Variants in RTN4IP1 observed in about 807,000 individuals in gnomAD.
RTN4IP1 encodes the protein NAD(P)H oxidoreductase RTN4IP1, mitochondrial.
In RTN4IP1, 32 loss-of-function variants were observed where a neutral mutation model predicts 46.6. That is an observed-to-expected ratio of 0.69 (90% confidence interval 0.52 to 0.92). RTN4IP1 has a LOEUF of 0.92. Ranked by LOEUF, RTN4IP1 falls within the 40% of genes least tolerant of loss-of-function variation. The pLI, the probability that RTN4IP1 is intolerant of heterozygous loss-of-function variation, is 0.00. For missense variants in RTN4IP1, 424 were observed against 485.8 expected (o/e 0.87, Z 1.20); for synonymous variants, 167 against 161.8 (o/e 1.03, Z -0.24).
intron 6 of RTN4IP1, among the ~76,000 whole-genome samples, chr6:106,591,882 T>C (rs1225873287): frequency 1.3e-5 from 2 of 152,240 alleles, no homozygotes. Flanking sequence ...TTTCCAATTT[T>C]GTCTTCAGGC....
intron 8 of RTN4IP1, among the ~76,000 whole-genome samples, chr6:106,577,447 CAAAAAAAAA>C (rs58921891): frequency 5.4e-5 from 3 of 55,410 alleles, no homozygotes; most frequent in Admixed American, 6.0e-4. Context: ...GACCCTGTCT[CAAAAAAAAA>C]AAAAAAAAAA....
At chr6:106,590,878 G>A (rs1278853016) in intron 6 of RTN4IP1, among the ~76,000 whole-genome samples, 2 of 152,134 alleles carry the variant, frequency 1.3e-5, no homozygotes, top group Middle Eastern at 3.2e-3. Flanking sequence ...AAGGGACAAT[G>A]TTAGTCCTTA....
At chr6:106,618,133 T>C (rs9400033) in intron 4 of RTN4IP1, among the ~76,000 whole-genome samples, 36,917 of 151,962 alleles carry the variant, frequency 0.24, 4,761 homozygotes, top group African/African-American at 0.33. Flanking sequence ...GATGTATAGC[T>C]TTCATAAGTT....
At chr6:106,620,400 G>A (rs1776459386) in intron 3 of RTN4IP1, among the ~76,000 whole-genome samples, 1 of 152,196 alleles carries the variant, frequency 6.6e-6, no homozygotes, top group Non-Finnish European at 1.5e-5. Context: ...ACTGCACCCA[G>A]CCTTAGTTGG....
chr6:106,603,649 T>C (rs2114656730), intron 4 of RTN4IP1, among the ~76,000 whole-genome samples: 1 of 152,336 alleles, frequency 6.6e-6, no homozygotes, highest in South Asian at 2.1e-4. Flanking sequence ...ATTTGTGCGA[T>C]GATGCATATG....
At chr6:106,582,264 G>A (rs1241633526) in intron 8 of RTN4IP1, among the ~76,000 whole-genome samples, 3 of 152,148 alleles carry the variant, frequency 2.0e-5, no homozygotes, top group Admixed American at 2.0e-4. Flanking sequence ...CAAGGAGCAG[G>A]GGCCAGAATA....
intron 1 of RTN4IP1, 126 bp downstream of exon 1, chr6:106,628,622 A>T: frequency 2.3e-6 from 2 of 881,912 alleles, no homozygotes; most frequent in Non-Finnish European, 3.4e-6. Context: ...ATATTTGCAG[A>T]GGTATTGTTA....
chr6:106,616,643 T>C (rs371966282), intron 4 of RTN4IP1, among the ~76,000 whole-genome samples: 1 of 152,190 alleles, frequency 6.6e-6, no homozygotes, highest in East Asian at 1.9e-4. Context: ...TCAATCACAA[T>C]GAATAGTCAA....
rs981601642 is a variant in RTN4IP1 at position 106,629,097 on chromosome 6, T to A, written c.-76A>T. On this transcript the variant is annotated 5_prime_UTR_variant, in exon 1 of 9. An upstream open reading frame in the 5' UTR loses its in-frame stop. Coordinates refer to ENST00000369063, the MANE Select transcript of RTN4IP1 (RefSeq NM_032730.5). ...ATCAAACTCTCACCCCTGAATTCAGTCAAATTCTGCCAAACCACGGGCTAG... is the reference window on the plus strand; with the variant it reads ...ATCAAACTCTCACCCCTGAATTCAGACAAATTCTGCCAAACCACGGGCTAG... The A allele has an allele frequency of 3.5e-5, 50 of 1,424,138 alleles. No individual in the cohort carries two copies. Among genetic ancestry groups the A allele is most frequent in the Non-Finnish European group, 4.4e-5 (47 of 1,057,624 alleles). The allele number at this position is 1,424,138 out of a possible 1,614,324, so 88.2% of individuals were successfully genotyped here. A position where few individuals can be genotyped will look rare whatever the true frequency, so the allele number is the denominator to read the frequency against.
At chr6:106,598,647 G>T (rs894039349) in intron 5 of RTN4IP1, among the ~76,000 whole-genome samples, 1 of 152,056 alleles carries the variant, frequency 6.6e-6, no homozygotes, top group Admixed American at 6.6e-5. Context: ...GTTGTAGGCT[G>T]CCTGTTCACT....
intron 5 of RTN4IP1, among the ~76,000 whole-genome samples, chr6:106,594,846 G>C (rs1369154340): frequency 6.6e-6 from 1 of 152,022 alleles, no homozygotes; most frequent in Admixed American, 6.6e-5. Flanking sequence ...TGTTGCCCAG[G>C]CTAGAGTGCA....
In RTN4IP1 at chr6:106,613,336, C is replaced by T. The variant is rs531351935; in HGVS notation, c.620+5866G>A. 2.6e-4 allele frequency among the ~76,000 whole-genome samples: 39 copies of T among 152,314 alleles called. No individual in the cohort carries two copies. The South Asian group carries it at 7.9e-3, about 31-fold the overall frequency. On this transcript the variant is annotated intron_variant, in intron 4 of 8. Coordinates refer to ENST00000369063, the MANE Select transcript of RTN4IP1 (RefSeq NM_032730.5). The stretch of plus-strand genomic sequence containing the variant: ...AAGTCAACTCACCTAAGCCACATGA[C>T]ATTTTCTTAAAGCTGTGTATCACTG...
At chr6:106,609,768 T>C (rs1049306894) in intron 4 of RTN4IP1, among the ~76,000 whole-genome samples, 1 of 152,258 alleles carries the variant, frequency 6.6e-6, no homozygotes, top group Admixed American at 6.5e-5. Flanking sequence ...AGTTCATCTC[T>C]TCCCTATAAC....
Position 106,627,743 on chromosome 6 carries a change from C to CTTTTTTTT in RTN4IP1, c.274+997_274+1004dup, listed in dbSNP as rs759953237. Among the ~76,000 whole-genome samples, 8 of 52,990 alleles carry CTTTTTTTT rather than the reference C, an allele frequency of 1.5e-4. 1 individual carries two copies. The highest frequency in any genetic ancestry group is 5.0e-4 in the East Asian group (1 of 2,020). The allele number at this position is 52,990 out of a possible 152,430, so 34.8% of individuals were successfully genotyped here. A position where few individuals can be genotyped will look rare whatever the true frequency, so the allele number is the denominator to read the frequency against. ...CAATCACAGTAAAGTCATTTCAATG[C>CTTTTTTTT]TTTTTTTTTTTTTTTTTTTTTTTTT... On this transcript the variant is annotated intron_variant, in intron 1 of 8. Transcript: ENST00000369063.
rs142173306 is a variant in RTN4IP1, at chr6:106,576,706, C to A, written c.1084-4603G>T. ...TAGCCTCTAGACACGTGACTATTTACGTTAATCAAAAGTAAGTAAATAAAA... is the reference window on the plus strand; with the variant it reads ...TAGCCTCTAGACACGTGACTATTTAAGTTAATCAAAAGTAAGTAAATAAAA... On this transcript the variant is annotated intron_variant, in intron 8 of 8. Coordinates refer to ENST00000369063, the MANE Select transcript of RTN4IP1 (RefSeq NM_032730.5). 2.6e-5 allele frequency among the ~76,000 whole-genome samples: 4 copies of A among 152,286 alleles called. No individual in the cohort carries two copies. In the East Asian group the frequency reaches 7.7e-4, roughly 29 times the overall value.
At chr6:106,597,272 C>T (rs544586682) in intron 5 of RTN4IP1, among the ~76,000 whole-genome samples, 6 of 152,262 alleles carry the variant, frequency 3.9e-5, no homozygotes, top group East Asian at 3.9e-4. Context: ...TTTTCCCCTT[C>T]GAGGACTCCT....
intron 7 of RTN4IP1, among the ~76,000 whole-genome samples, chr6:106,586,172 G>A (rs887471439): frequency 6.6e-6 from 1 of 152,124 alleles, no homozygotes; most frequent in African/African-American, 2.4e-5. Context: ...AGAGACCAAA[G>A]TCCTAAGTTT....
chr6:106,601,438 T>C (rs781068487), intron 5 of RTN4IP1, among the ~76,000 whole-genome samples: 1 of 152,186 alleles, frequency 6.6e-6, no homozygotes, highest in African/African-American at 2.4e-5. Flanking sequence ...TTTTCTTTGG[T>C]TGCTTGTGCT....
At chr6:106,612,384 CAAAAAAAAAAAAAAAA>C (rs1180927898) in intron 4 of RTN4IP1, among the ~76,000 whole-genome samples, 3 of 18,908 alleles carry the variant, frequency 1.6e-4, no homozygotes, top group Non-Finnish European at 9.6e-5. Flanking sequence ...AAGACTCCGT[CAAAAAAAAAAAAAAAA>C]AAAAAAAAAA....
Sources: allele counts gnomAD v4.1 joint callset (sites outside exome capture counted in the v4.1 genomes callset), GRCh38; gene constraint gnomAD v4.1.1; transcripts MANE v1.5; gene names NCBI Gene and HGNC (gene_info 2026-07-23, HGNC 2026-07-21).